CNTN5: variants seen among roughly 807,000 people sequenced by gnomAD.
The protein encoded by CNTN5 is contactin-5.
Under a neutral mutation model 129.1 loss-of-function variants are expected in CNTN5, and 77 were observed. That is an observed-to-expected ratio of 0.60 (90% CI 0.50 to 0.72). The LOEUF is 0.72. Ranked by LOEUF, CNTN5 falls within the 30% of genes least tolerant of loss-of-function variation. The pLI, the probability that CNTN5 is intolerant of heterozygous loss-of-function variation, is 0.00. For synonymous variants in CNTN5, 509 were observed against 465.6 expected (o/e 1.09, Z -1.20); for missense variants, 1,478 against 1,328.8 (o/e 1.11, Z -1.75).
At chr11:99,501,340 G>T (rs1425674759) in intron 2 of CNTN5, among the ~76,000 whole-genome samples, 1 of 152,140 alleles carries the variant, frequency 6.6e-6, no homozygotes, top group African/African-American at 2.4e-5. Context: ...CAATTATGAA[G>T]GGAGAAAACA....
chr11:100,256,013 T>G, intron 17 of CNTN5, 95 bp downstream of exon 17: 2 of 1,065,874 alleles, frequency 1.9e-6, no homozygotes, highest in East Asian at 4.9e-5. Context: ...TTTTTTGGAT[T>G]CTGAAATCTC....
intron 13 of CNTN5, among the ~76,000 whole-genome samples, chr11:100,110,481 T>C (rs1269940758): frequency 2.6e-5 from 4 of 152,148 alleles, no homozygotes; most frequent in African/African-American, 9.7e-5. Flanking sequence ...AAAAACAAGA[T>C]ACATTTCAGT....
rs116912537 is a variant in CNTN5 at position 99,189,986 on chromosome 11, C to A, written c.-209-135360C>A. 1.0e-3 allele frequency among the ~76,000 whole-genome samples: 154 copies of A among 151,568 alleles called. 1 individual carries two copies. The East Asian group carries it at 0.023, about 23-fold the overall frequency. On this transcript the variant is annotated intron_variant, in intron 1 of 24. Transcript: ENST00000524871. ...CTATCCAAAAAAATATTGTCTAGAC[C>A]AATGTCATGAAACTTTTCCCTGTAT...
At chr11:99,868,218 TAA>T (rs10645597) in intron 6 of CNTN5, among the ~76,000 whole-genome samples, 4 of 119,100 alleles carry the variant, frequency 3.4e-5, no homozygotes, top group Non-Finnish European at 3.7e-5. Context: ...CTCCATCTCA[TAA>T]AAAAAAAAAA....
chr11:99,904,698 A>G (rs1949450244), intron 6 of CNTN5, among the ~76,000 whole-genome samples: 1 of 152,146 alleles, frequency 6.6e-6, no homozygotes, highest in African/African-American at 2.4e-5. Flanking sequence ...CTGGTTCTAG[A>G]TCCCTCAGGA....
chr11:99,835,006 T>G (rs1197520126), intron 4 of CNTN5, among the ~76,000 whole-genome samples: 5 of 152,274 alleles, frequency 3.3e-5, no homozygotes, highest in Non-Finnish European at 5.9e-5. Flanking sequence ...CTACCTTCCA[T>G]GTTTCAGTTA....
chr11:100,221,765 A>C (rs1438810715), intron 15 of CNTN5, among the ~76,000 whole-genome samples: 1 of 152,218 alleles, frequency 6.6e-6, no homozygotes. Context: ...CATTTGAAGC[A>C]ACAAGTAGCA....
chr11:99,865,800 A>G (rs1477997103), intron 6 of CNTN5, among the ~76,000 whole-genome samples: 3 of 152,114 alleles, frequency 2.0e-5, no homozygotes, highest in Non-Finnish European at 4.4e-5. Context: ...TGCATTTTCC[A>G]CAACTCATTA....
chr11:99,236,684 A>G (rs1861288765), intron 1 of CNTN5, among the ~76,000 whole-genome samples: 1 of 152,182 alleles, frequency 6.6e-6, no homozygotes, highest in Non-Finnish European at 1.5e-5. Flanking sequence ...ATAAGGCAGA[A>G]TGTTGTTCTG....
intron 21 of CNTN5, among the ~76,000 whole-genome samples, chr11:100,320,560 GT>G (rs897469032): frequency 6.6e-6 from 1 of 151,416 alleles, no homozygotes; most frequent in Non-Finnish European, 1.5e-5. Context: ...ATCCCATTTG[GT>G]TTTTTTGTTT....
chr11:99,895,222 C>A (rs1949174661), intron 6 of CNTN5, among the ~76,000 whole-genome samples: 1 of 152,174 alleles, frequency 6.6e-6, no homozygotes, highest in Admixed American at 6.5e-5. Context: ...TCCAGCAGAG[C>A]TGTCCTAGAT....
At chr11:99,207,882 T>G (rs1032844723) in intron 1 of CNTN5, among the ~76,000 whole-genome samples, 5 of 152,192 alleles carry the variant, frequency 3.3e-5, no homozygotes, top group African/African-American at 1.2e-4. Flanking sequence ...TAAGTAATAC[T>G]AAAGGCCTGG....
intron 2 of CNTN5, among the ~76,000 whole-genome samples, chr11:99,431,423 A>T (rs1444944152): frequency 1.3e-5 from 2 of 152,180 alleles, no homozygotes; most frequent in Non-Finnish European, 2.9e-5. Flanking sequence ...GGAAGCAGGA[A>T]AACTCACTTT....
chr11:99,840,225 T>A (rs1947440454), intron 4 of CNTN5, among the ~76,000 whole-genome samples: 1 of 152,168 alleles, frequency 6.6e-6, no homozygotes, highest in South Asian at 2.1e-4. Context: ...TGTAATTTGA[T>A]ACCTGCCAAG....
At chr11:100,273,351 G>C (rs61909781) in intron 18 of CNTN5, among the ~76,000 whole-genome samples, 8,511 of 152,148 alleles carry the variant, frequency 0.056, 287 homozygotes, top group South Asian at 0.091. Flanking sequence ...TTAGGGGTAG[G>C]GGTGGGGATT....
At chr11:99,687,690 C>T (rs1220087172) in intron 3 of CNTN5, among the ~76,000 whole-genome samples, 1 of 152,142 alleles carries the variant, frequency 6.6e-6, no homozygotes, top group Non-Finnish European at 1.5e-5. Flanking sequence ...ATTGATACCA[C>T]TAGAGACACA....
chr11:99,756,125 A>T lies in CNTN5; in HGVS notation c.56-63419A>T, dbSNP rs145485698. Among the ~76,000 whole-genome samples the T allele has an allele frequency of 8.7e-3, 1,322 of 152,220 alleles. 8 individuals are homozygous for T. The highest frequency in any genetic ancestry group is 0.014 in the Non-Finnish European group (981 of 67,950). On this transcript the variant is annotated intron_variant, in intron 3 of 24. Coordinates refer to ENST00000524871, the MANE Select transcript of CNTN5 (RefSeq NM_014361.4). ...TTCAGGTTGTCTATTAAAGTATGAGAAACAAGAATACTATGAATAAAATCA... is the reference window on the plus strand; with the variant it reads ...TTCAGGTTGTCTATTAAAGTATGAGTAACAAGAATACTATGAATAAAATCA...
chr11:99,033,555 A>T (rs1365223168), intron 1 of CNTN5, among the ~76,000 whole-genome samples: 8 of 151,974 alleles, frequency 5.3e-5, no homozygotes, highest in African/African-American at 7.2e-5. Context: ...TCACTCATGA[A>T]TTGGCTCTCT....
At chr11:99,439,252 G>C (rs1943718593) in intron 2 of CNTN5, among the ~76,000 whole-genome samples, 2 of 151,956 alleles carry the variant, frequency 1.3e-5, no homozygotes, top group Admixed American at 6.6e-5. Flanking sequence ...GAATCAGGAG[G>C]CATGTTAATG....
Sources: allele counts gnomAD v4.1 joint callset (sites outside exome capture counted in the v4.1 genomes callset), GRCh38; gene constraint gnomAD v4.1.1; transcripts MANE v1.5; gene names NCBI Gene and HGNC (gene_info 2026-07-23, HGNC 2026-07-21).